Variants in MAP4 observed in about 807,000 individuals in gnomAD.
MAP4 encodes microtubule-associated protein 4.
In MAP4, 76 loss-of-function variants were observed where a neutral mutation model predicts 170.2. The ratio of observed to expected loss-of-function variants is 0.45; its 90% CI spans 0.37 to 0.54. The LOEUF is 0.54. Among genes scored for constraint, MAP4 ranks in the 20% least tolerant of loss-of-function variants. The probability of loss-of-function intolerance (pLI) is 0.00; values close to 1 mark genes in which losing one functional copy is unlikely to be tolerated. For synonymous variants in MAP4, 909 were observed against 994.5 expected (o/e 0.91, Z 1.62); for missense variants, 2,506 against 2,748.0 (o/e 0.91, Z 1.97).
chr3:47,891,595 C>T (rs1418218327), intron 10 of MAP4: 2 of 1,535,488 alleles, frequency 1.3e-6, no homozygotes, highest in Admixed American at 2.0e-5. Flanking sequence ...CAGACAGGGC[C>T]CTGCGCACTG....
At chr3:47,919,299 TG>T (rs1408235173) in intron 5 of MAP4, among the ~76,000 whole-genome samples, 3 of 151,864 alleles carry the variant, frequency 2.0e-5, no homozygotes, top group African/African-American at 7.3e-5. Flanking sequence ...TAAAAAACAA[TG>T]CAAAAAAAGT....
At chr3:48,004,232 T>C (rs1248013495) in intron 1 of MAP4, among the ~76,000 whole-genome samples, 1 of 152,148 alleles carries the variant, frequency 6.6e-6, no homozygotes, top group Non-Finnish European at 1.5e-5. Context: ...CTGCTTAATA[T>C]GATTGATCCA....
At chr3:47,992,685 T>A (rs75913235) in intron 2 of MAP4, among the ~76,000 whole-genome samples, 1 of 152,094 alleles carries the variant, frequency 6.6e-6, no homozygotes, top group East Asian at 1.9e-4. Flanking sequence ...GGAGTTTTTT[T>A]GTATCAAAAT....
intron 3 of MAP4, among the ~76,000 whole-genome samples, chr3:47,937,373 C>T (rs2100053597): frequency 6.6e-6 from 1 of 152,162 alleles, no homozygotes; most frequent in South Asian, 2.1e-4. Context: ...GTGGCATATA[C>T]ACTGAGCAGA....
intron 1 of MAP4, among the ~76,000 whole-genome samples, chr3:48,011,912 G>A (rs541671296): frequency 6.6e-6 from 1 of 152,152 alleles, no homozygotes. Context: ...TTTTGATAGA[G>A]GCAAGAGGCA....
chr3:47,882,510 A>G (rs939256590), intron 10 of MAP4, among the ~76,000 whole-genome samples: 1 of 127,250 alleles, frequency 7.9e-6, no homozygotes, highest in Non-Finnish European at 1.5e-5. Context: ...TATTTTTATT[A>G]AAAAAAAGCT....
At position 48,060,349 on chromosome 3, in the gene MAP4, A is replaced by T. The variant is rs188960430; in HGVS notation, c.-20+28424T>A. ...AAGATTAAAAGATTGATGGATCATT[A>T]AAAAAAAATGGATTATAGACCTAAA... On this transcript the variant is annotated intron_variant, in intron 1 of 18. Transcript: ENST00000360240. Among the ~76,000 whole-genome samples, 653 of 150,790 alleles carry T rather than the reference A, an allele frequency of 4.3e-3. 5 individuals are homozygous for T. The highest frequency in any genetic ancestry group is 0.014 in the African/African-American group (591 of 41,074).
intron 1 of MAP4, among the ~76,000 whole-genome samples, chr3:48,009,537 T>A (rs1328426526): frequency 1.3e-5 from 2 of 152,226 alleles, no homozygotes; most frequent in African/African-American, 4.8e-5. Flanking sequence ...ATGCTCTCCA[T>A]CATCCTAAAG....
chr3:47,921,836 A>T lies in MAP4; in HGVS notation c.458T>A (p.Val153Asp). The T allele has an allele frequency of 6.2e-7, 1 of 1,609,118 alleles. No individual in the cohort carries two copies. The highest frequency in any genetic ancestry group is 1.1e-5 in the South Asian group (1 of 90,952). The change falls in exon 5 of 21, where the codon GTC becomes GAC. Residue 153 changes from valine to aspartate, a missense_variant. Around this residue, in one of 3 missense-constraint regions of MAP4, gnomAD observed 2,008 missense variants for 2,206.0 expected, o/e 0.91. Coordinates refer to ENST00000683076, the MANE Select transcript of MAP4 (RefSeq NM_001385682.1). Reference sequence around the variant, plus strand: ...ATCAGCTGTCGCACTGGAGGGAAAGACCAAATCTGCCAGGTCATCATCATG... The same window carrying T: ...ATCAGCTGTCGCACTGGAGGGAAAGTCCAAATCTGCCAGGTCATCATCATG... ...MYHDDDLADL[V>D]FPSSATADTS...
chr3:47,876,117 T>A (rs1438822998), intron 11 of MAP4, among the ~76,000 whole-genome samples: 1 of 127,774 alleles, frequency 7.8e-6, no homozygotes, highest in East Asian at 2.1e-4. Context: ...TGGGGAATAG[T>A]TTCTTTTTCT....
Position 48,059,776 on chromosome 3 carries a change from C to T in MAP4, c.-20+28997G>A, listed in dbSNP as rs529029859. Reference sequence around the variant, plus strand: ...GGCGGATTGCCTGAGCTCGGGAGTTCGAGACCACCCTGGGGGCAACATGGT... The same window carrying T: ...GGCGGATTGCCTGAGCTCGGGAGTTTGAGACCACCCTGGGGGCAACATGGT... On this transcript the variant is annotated intron_variant, in intron 1 of 18. Coordinates refer to the MAP4 transcript ENST00000360240. Among the ~76,000 whole-genome samples the T allele has an allele frequency of 1.5e-3, 223 of 151,932 alleles. 1 individual carries two copies. Among genetic ancestry groups the T allele is most frequent in the Non-Finnish European group, 2.3e-3 (155 of 67,950 alleles).
intron 10 of MAP4, chr3:47,891,816 G>A: frequency 6.5e-7 from 1 of 1,536,382 alleles, no homozygotes; most frequent in Non-Finnish European, 8.7e-7. Context: ...CACTTCAGCT[G>A]CTCAGAGTTA....
chr3:47,917,694 C>A (rs578061155), intron 6 of MAP4, among the ~76,000 whole-genome samples: 4 of 151,604 alleles, frequency 2.6e-5, no homozygotes, highest in African/African-American at 9.7e-5. Flanking sequence ...ACTGGGAGGA[C>A]AAGTAGTGGA....
intron 1 of MAP4, among the ~76,000 whole-genome samples, chr3:48,061,827 C>A (rs796297280): frequency 4.8e-4 from 60 of 126,014 alleles, no homozygotes; most frequent in African/African-American, 5.5e-4. Flanking sequence ...CCGCCCCATC[C>A]GGGAGGGAGG....
At chr3:47,979,455 T>G (rs1004421855) in intron 2 of MAP4, among the ~76,000 whole-genome samples, 1 of 152,116 alleles carries the variant, frequency 6.6e-6, no homozygotes, top group African/African-American at 2.4e-5. Context: ...ATTACTGTAT[T>G]TGTACAGTAA....
intron 18 of MAP4, among the ~76,000 whole-genome samples, chr3:47,856,036 G>T (rs1271475574): frequency 6.6e-6 from 1 of 152,222 alleles, no homozygotes; most frequent in Admixed American, 6.5e-5. Context: ...GACGGGGAGG[G>T]AAAGTGGTCT....
intron 10 of MAP4, among the ~76,000 whole-genome samples, chr3:47,897,330 T>C (rs2100027415): frequency 6.6e-6 from 1 of 152,138 alleles, no homozygotes; most frequent in Non-Finnish European, 1.5e-5. Context: ...TTTCACGATG[T>C]TGGCCAGGCT....
chr3:47,995,781 G>A (rs2100095211), intron 2 of MAP4, among the ~76,000 whole-genome samples: 1 of 152,076 alleles, frequency 6.6e-6, no homozygotes, highest in Non-Finnish European at 1.5e-5. Context: ...CTAGTAGTAT[G>A]AAATCCAAAG....
chr3:48,040,256 ATTATT>A (rs2100120924), intron 1 of MAP4, among the ~76,000 whole-genome samples: 1 of 151,956 alleles, frequency 6.6e-6, no homozygotes, highest in Admixed American at 6.6e-5. Context: ...ACAAAATCAT[ATTATT>A]TATTTTTATT....
Sources: allele counts gnomAD v4.1 joint callset (sites outside exome capture counted in the v4.1 genomes callset), GRCh38; gene constraint gnomAD v4.1.1; regional missense constraint gnomAD v4.1.1; transcripts MANE v1.5; gene names NCBI Gene and HGNC (gene_info 2026-07-23, HGNC 2026-07-21).